Variants in ABI1 observed in about 807,000 individuals in gnomAD.
The protein encoded by ABI1 is abl interactor 1.
Under a neutral mutation model 54.6 loss-of-function variants are expected in ABI1, and 14 were observed. The ratio of observed to expected loss-of-function variants is 0.26; its 90% confidence interval spans 0.17 to 0.40. The LOEUF (loss-of-function observed/expected upper bound fraction) is 0.40. Ranked by LOEUF, ABI1 falls within the 10% of genes least tolerant of loss-of-function variation. The probability of loss-of-function intolerance (pLI) is 1.00; values close to 1 mark genes in which losing one functional copy is unlikely to be tolerated. For synonymous variants in ABI1, 194 were observed against 209.3 expected, an observed-to-expected ratio of 0.93 and a Z score of 0.63; for missense variants, 443 against 598.3, an observed-to-expected ratio of 0.74 and a Z score of 2.71.
intron 2 of ABI1, among the ~76,000 whole-genome samples, chr10:26,820,500 GAAA>G (rs2047898929): frequency 6.8e-6 from 1 of 147,098 alleles, no homozygotes; most frequent in Non-Finnish European, 1.5e-5. Context: ...GGGTCAGAAA[GAAA>G]TAAAAAAGCA....
chr10:26,855,554 C>T (rs576214690), intron 1 of ABI1, among the ~76,000 whole-genome samples: 1 of 152,188 alleles, frequency 6.6e-6, no homozygotes, highest in African/African-American at 2.4e-5. Context: ...AAAGATAATA[C>T]AAAACCAACC....
chr10:26,796,534 C>T (rs115093252), intron 2 of ABI1, among the ~76,000 whole-genome samples: 3,102 of 152,154 alleles, frequency 0.02, 76 homozygotes, highest in African/African-American at 0.065. Flanking sequence ...TCTAGGTTTG[C>T]GTAAGTACAC....
intron 1 of ABI1, among the ~76,000 whole-genome samples, chr10:26,827,832 T>C (rs1336252158): frequency 2.6e-5 from 4 of 151,678 alleles, no homozygotes; most frequent in Non-Finnish European, 2.9e-5. Context: ...TCCCTTGTGA[T>C]TCCACCCACC....
intron 7 of ABI1, chr10:26,763,853 A>G (rs910927799): frequency 1.9e-6 from 3 of 1,587,232 alleles, no homozygotes; most frequent in Non-Finnish European, 1.7e-6. Flanking sequence ...AGTGAGTTCA[A>G]TGGCTCCAAT....
intron 2 of ABI1, among the ~76,000 whole-genome samples, chr10:26,816,986 T>TTGTGTGTGTG (rs71403891): frequency 0.011 from 1,594 of 143,848 alleles, 30 homozygotes; most frequent in African/African-American, 0.033. Flanking sequence ...TGCAAAGACT[T>TTGTGTGTGTG]TGTGTGTGTG....
chr10:26,786,678 G>A lies in ABI1; in HGVS notation c.286-9437C>T, dbSNP rs118035443. Among the ~76,000 whole-genome samples the A allele has an allele frequency of 3.6e-3, 543 of 152,270 alleles. 2 individuals carry two copies. Among genetic ancestry groups the A allele is most frequent in the Non-Finnish European group, 6.0e-3 (405 of 68,016 alleles). ...AATGGGAGTTGGAAAAGATGGACCA[G>A]TATTTACCTAGGTTTGTTTCTAACT... On this transcript the variant is annotated intron_variant, in intron 2 of 10. Transcript: ENST00000376140.
At chr10:26,819,489 T>G (rs2047822852) in intron 2 of ABI1, among the ~76,000 whole-genome samples, 3 of 152,184 alleles carry the variant, frequency 2.0e-5, no homozygotes, top group Non-Finnish European at 4.4e-5. Context: ...AGTTGGAGAT[T>G]TCAATTTACC....
At chr10:26,759,372 G>T in intron 7 of ABI1, 134 bp from the exon 8 acceptor site, 1 of 617,078 alleles carries the variant, frequency 1.6e-6, no homozygotes, top group Non-Finnish European at 2.5e-6. Context: ...ACAAAATAAA[G>T]AGAAAAGTAA....
intron 2 of ABI1, among the ~76,000 whole-genome samples, chr10:26,812,395 C>T (rs938251104): frequency 6.6e-6 from 1 of 152,152 alleles, no homozygotes; most frequent in Non-Finnish European, 1.5e-5. Flanking sequence ...ATGAATGCTC[C>T]TTAGCCACTG....
chr10:26,775,693 T>C (rs930567791), intron 3 of ABI1, among the ~76,000 whole-genome samples: 1 of 152,232 alleles, frequency 6.6e-6, no homozygotes, highest in Admixed American at 6.5e-5. Context: ...CTAAGTACTA[T>C]GTTTTGAAAT....
intron 2 of ABI1, among the ~76,000 whole-genome samples, chr10:26,792,969 G>A (rs1044749214): frequency 6.6e-6 from 1 of 152,152 alleles, no homozygotes; most frequent in South Asian, 2.1e-4. Flanking sequence ...AGGCAGGAAA[G>A]AAGTATGACA....
chr10:26,829,067 A>C (rs975061996), intron 1 of ABI1, among the ~76,000 whole-genome samples: 2 of 152,102 alleles, frequency 1.3e-5, no homozygotes, highest in Non-Finnish European at 2.9e-5. Context: ...TCTACTAAAA[A>C]TACAAAAAAT....
At chr10:26,807,102 C>T (rs1167937155) in intron 2 of ABI1, among the ~76,000 whole-genome samples, 2 of 151,864 alleles carry the variant, frequency 1.3e-5, no homozygotes, top group African/African-American at 4.8e-5. Flanking sequence ...CTGCTATAGT[C>T]CTTTAAAAAA....
At chr10:26,826,229 G>A (rs1040456198) in intron 1 of ABI1, among the ~76,000 whole-genome samples, 2 of 152,176 alleles carry the variant, frequency 1.3e-5, no homozygotes, top group African/African-American at 2.4e-5. Flanking sequence ...AAATAAGTAT[G>A]TGTTAGCAGG....
intron 2 of ABI1, among the ~76,000 whole-genome samples, chr10:26,791,607 C>T (rs1022275466): frequency 1.3e-5 from 2 of 152,024 alleles, no homozygotes; most frequent in African/African-American, 4.8e-5. Context: ...GGTAACTTGC[C>T]TATTGAGATA....
intron 1 of ABI1, among the ~76,000 whole-genome samples, chr10:26,850,906 T>G (rs17748178): frequency 0.19 from 29,135 of 151,884 alleles, 2,958 homozygotes; most frequent in Admixed American, 0.23. Context: ...GTGAGATGTG[T>G]AGAAAAGAGC....
intron 1 of ABI1, among the ~76,000 whole-genome samples, chr10:26,829,821 A>G (rs905652582): frequency 1.3e-5 from 2 of 152,148 alleles, no homozygotes; most frequent in African/African-American, 4.8e-5. Context: ...TTTTTCTTGG[A>G]TGAGGAAGGG....
At chr10:26,810,719 C>T (rs1353232263) in intron 2 of ABI1, among the ~76,000 whole-genome samples, 1 of 151,908 alleles carries the variant, frequency 6.6e-6, no homozygotes, top group Non-Finnish European at 1.5e-5. Flanking sequence ...TCACAGTTTA[C>T]GGACCCCTGC....
chr10:26,770,665 T>C (rs1840575932), intron 4 of ABI1: 2 of 577,950 alleles, frequency 3.5e-6, no homozygotes, highest in African/African-American at 1.9e-5. Context: ...ATTTTTGAAA[T>C]GTGTGCATGA....
Sources: gnomAD v4.1 joint callset for allele counts (sites outside exome capture counted in the v4.1 genomes callset) on GRCh38, gnomAD v4.1.1 for gene constraint, MANE v1.5 for transcripts, NCBI Gene and HGNC (gene_info 2026-07-23, HGNC 2026-07-21) for gene names.